The following REPS2 variants were observed in gnomAD, a reference collection of about 807,000 sequenced individuals.
The protein encoded by REPS2 is RALBP1 associated Eps domain containing 2, also known as ralBP1-associated Eps domain-containing protein 2.
REPS2 carries 23 observed loss-of-function variants against 53.6 expected under a neutral mutation model. The observed-to-expected ratio is 0.43, with a 90% CI of 0.31 to 0.61. The LOEUF (loss-of-function observed/expected upper bound fraction) is 0.61, where lower values mean the gene tolerates loss of function less well. Ranked by LOEUF, REPS2 falls within the 20% of genes least tolerant of loss-of-function variation. REPS2 has a pLI of 0.11. For missense variants in REPS2, 446 were observed against 534.9 expected (o/e 0.83, Z 1.64); for synonymous variants, 238 against 218.6 (o/e 1.09, Z -0.78).
rs1009319846 is a variant in REPS2, at chrX:17,036,161, C to T, written c.771+6538C>T. 1.3e-4 allele frequency among the ~76,000 whole-genome samples: 14 copies of T among 111,991 alleles called. No homozygotes were observed. In the East Asian group the frequency reaches 1.9e-3, roughly 16 times the overall value. ...CCTATATATTTGTAATTTTTGATAA[C>T]GACTTTCAAATTGGAGGTATAGCAG... On this transcript the variant is annotated intron_variant, in intron 5 of 17. Transcript: ENST00000357277.
chrX:17,158,012 A>G (rs949495069), downstream of REPS2, among the ~76,000 whole-genome samples: 2 of 112,049 alleles, frequency 1.8e-5, no homozygotes, highest in African/African-American at 6.5e-5. Context: ...ATTGCCATGC[A>G]GGCACCTGTG....
chrX:16,966,903 A>C (rs1425960619), intron 1 of REPS2, among the ~76,000 whole-genome samples: 1 of 112,255 alleles, frequency 8.9e-6, no homozygotes, highest in Non-Finnish European at 1.9e-5. Flanking sequence ...AGTTTTTGTG[A>C]CTATTTCCCA....
chrX:17,082,449 A>T (rs2062470631), intron 13 of REPS2, among the ~76,000 whole-genome samples: 1 of 112,321 alleles, frequency 8.9e-6, no homozygotes, highest in Non-Finnish European at 1.9e-5. Flanking sequence ...TTTTAAAACC[A>T]CATCCCATAT....
At chrX:16,998,902 A>G (rs2061265037) in intron 1 of REPS2, among the ~76,000 whole-genome samples, 1 of 112,453 alleles carries the variant, frequency 8.9e-6, no homozygotes, top group African/African-American at 3.2e-5. Context: ...CTAAAGCAAA[A>G]TCTGGTGTGG....
At chrX:17,050,341 C>T (rs1346742215) in intron 6 of REPS2, among the ~76,000 whole-genome samples, 1 of 104,041 alleles carries the variant, frequency 9.6e-6, no homozygotes, top group Admixed American at 1.1e-4. Context: ...AGGTGCACAT[C>T]ACTATGCCTT....
intron 1 of REPS2, among the ~76,000 whole-genome samples, chrX:16,962,276 T>TACACACACAC (rs61520216): frequency 7.3e-4 from 60 of 81,859 alleles, no homozygotes; most frequent in East Asian, 4.7e-3. Context: ...TATCGTGGGA[T>TACACACACAC]ACACACACAC....
chrX:17,140,735 ATATTATTATTATTAT>A (rs199967140), intron 17 of REPS2, among the ~76,000 whole-genome samples: 1,280 of 89,613 alleles, frequency 0.014, 23 homozygotes, highest in African/African-American at 0.044. Context: ...GCATGCACAA[ATATTATTATTATTAT>A]TATTATTATT....
the REPS2 span, among the ~76,000 whole-genome samples, chrX:17,158,287 C>G: frequency 9.0e-6 from 1 of 110,978 alleles, no homozygotes. Context: ...AATAGAGAGC[C>G]CAAATACATA....
At chrX:17,032,775 C>T (rs1474238362) in intron 5 of REPS2, among the ~76,000 whole-genome samples, 10 of 112,348 alleles carry the variant, frequency 8.9e-5, no homozygotes. Context: ...AGTGCTGTTG[C>T]AACCCATGGT....
intron 2 of REPS2, among the ~76,000 whole-genome samples, chrX:17,013,624 C>CTGTGTGTGTG (rs10559340): frequency 3.0e-5 from 3 of 100,173 alleles, no homozygotes; most frequent in South Asian, 4.9e-4. Flanking sequence ...GTAGCTGGCT[C>CTGTGTGTGTG]TGTGTGTGTG....
downstream of REPS2, among the ~76,000 whole-genome samples, chrX:17,156,405 AATAC>A (rs2063615165): frequency 9.3e-6 from 1 of 107,547 alleles, no homozygotes; most frequent in Admixed American, 9.9e-5. Flanking sequence ...ACACATATGT[AATAC>A]ATATATATAT....
intron 13 of REPS2, among the ~76,000 whole-genome samples, chrX:17,087,974 A>ATAGC: frequency 9.1e-6 from 1 of 109,425 alleles, no homozygotes; most frequent in South Asian, 3.9e-4. Context: ...AGATAGATAG[A>ATAGC]TAGATAAAGA....
chrX:17,186,019 G>A, the REPS2 span, among the ~76,000 whole-genome samples: 9 of 112,505 alleles, frequency 8.0e-5, no homozygotes, highest in South Asian at 3.0e-3. Flanking sequence ...TGTGGAATTA[G>A]AATGAAGTTA....
chrX:17,071,856 A>G (rs1366492977), intron 11 of REPS2, among the ~76,000 whole-genome samples: 3 of 112,069 alleles, frequency 2.7e-5, no homozygotes, highest in Non-Finnish European at 3.8e-5. Flanking sequence ...TTCCAGCTAC[A>G]CGAGAAGCTA....
chrX:16,987,378 TC>T (rs1430800340), intron 1 of REPS2, among the ~76,000 whole-genome samples: 1 of 111,821 alleles, frequency 8.9e-6, no homozygotes, highest in African/African-American at 3.2e-5. Flanking sequence ...TACCTAAACT[TC>T]CTAAGAGGAT....
intron 15 of REPS2, among the ~76,000 whole-genome samples, chrX:17,134,394 C>A (rs2063333652): frequency 9.0e-6 from 1 of 111,667 alleles, no homozygotes; most frequent in Non-Finnish European, 1.9e-5. Context: ...GCTCTCCATT[C>A]ATCTCCTCAC....
chrX:17,193,065 T>C, the REPS2 span, among the ~76,000 whole-genome samples: 1 of 112,602 alleles, frequency 8.9e-6, no homozygotes, highest in Admixed American at 9.4e-5. Flanking sequence ...GCTATGAACA[T>C]TTTGTGCATG....
intron 1 of REPS2, among the ~76,000 whole-genome samples, chrX:16,952,138 C>T (rs114415282): frequency 0.047 from 5,188 of 111,219 alleles, 337 homozygotes; most frequent in African/African-American, 0.16. Context: ...AGTTTTGTTA[C>T]ATAGGTATAT....
chrX:17,029,754 A>C, intron 5 of REPS2, 131 bp downstream of exon 5: 1 of 450,925 alleles, frequency 2.2e-6, no homozygotes, highest in Non-Finnish European at 3.8e-6. Context: ...CAAATATTGC[A>C]TGTCTTGTTT....
Sources: gnomAD v4.1 joint callset for allele counts (sites outside exome capture counted in the v4.1 genomes callset) on GRCh38, gnomAD v4.1.1 for gene constraint, MANE v1.5 for transcripts, NCBI Gene and HGNC (gene_info 2026-07-23, HGNC 2026-07-21) for gene names.